Variants in MTA3 observed in about 807,000 individuals in gnomAD.
The protein encoded by MTA3 is metastasis associated 1 family member 3.
A neutral mutation model predicts 83.5 loss-of-function variants in MTA3; 34 were observed. That is an observed-to-expected ratio of 0.41 (90% CI 0.31 to 0.54). MTA3 has a LOEUF of 0.54. Among genes scored for constraint, MTA3 ranks in the 20% least tolerant of loss-of-function variants. MTA3 has a pLI of 0.33. For synonymous variants in MTA3, 303 were observed against 252.7 expected, an observed-to-expected ratio of 1.20 and a Z score of -1.89; for missense variants, 761 against 726.4, an observed-to-expected ratio of 1.05 and a Z score of -0.55.
intron 2 of MTA3, among the ~76,000 whole-genome samples, chr2:42,572,892 T>C (rs1678649729): frequency 6.6e-6 from 1 of 152,076 alleles, no homozygotes; most frequent in African/African-American, 2.4e-5. Flanking sequence ...CATGCCTGGC[T>C]GTTTTTTGTG....
chr2:42,723,067 C>G, intron 16 of MTA3, 32 bp downstream of exon 16: 1 of 1,547,502 alleles, frequency 6.5e-7, no homozygotes, highest in Non-Finnish European at 8.7e-7. Flanking sequence ...GGAGGCTGTT[C>G]TGATAGAGTG....
chr2:42,523,066 C>T (rs1675497614), intron 2 of MTA3, among the ~76,000 whole-genome samples: 1 of 152,068 alleles, frequency 6.6e-6, no homozygotes, highest in Admixed American at 6.6e-5. Flanking sequence ...CATCTCAGGC[C>T]TCCCAGAGTG....
At chr2:42,712,740 G>A (rs1301034125) in intron 14 of MTA3, 1 of 151,998 alleles carries the variant, frequency 6.6e-6, no homozygotes, top group African/African-American at 2.4e-5. Flanking sequence ...TTTGGACATC[G>A]TGCTCACTTC....
chr2:42,513,668 C>T (rs935203115), intron 2 of MTA3, among the ~76,000 whole-genome samples: 2 of 152,190 alleles, frequency 1.3e-5, no homozygotes, highest in African/African-American at 4.8e-5. Flanking sequence ...GAGAGACAAA[C>T]ACCAGGAGGG....
chr2:42,592,701 C>A (rs1371345746), intron 3 of MTA3, among the ~76,000 whole-genome samples: 1 of 152,196 alleles, frequency 6.6e-6, no homozygotes, highest in Non-Finnish European at 1.5e-5. Context: ...TCTCAGTCCA[C>A]ATCTTGTCCC....
intron 3 of MTA3, among the ~76,000 whole-genome samples, chr2:42,607,103 TAG>T (rs1223992741): frequency 2.0e-5 from 3 of 150,060 alleles, no homozygotes; most frequent in Non-Finnish European, 3.0e-5. Context: ...GGGGTAGAGG[TAG>T]AGGTAGAGGT....
chr2:42,504,242 A>AT (rs991162883), intron 2 of MTA3, among the ~76,000 whole-genome samples: 14 of 144,426 alleles, frequency 9.7e-5, no homozygotes, highest in African/African-American at 1.5e-4. Flanking sequence ...GAACCACATT[A>AT]TTTTTTTTTG....
intron 9 of MTA3, among the ~76,000 whole-genome samples, chr2:42,690,680 A>ATTTTT (rs11358037): frequency 8.5e-6 from 1 of 118,070 alleles, no homozygotes; most frequent in Non-Finnish European, 1.7e-5. Context: ...TTTTAATTTA[A>ATTTTT]TTTTTTTTTT....
intron 16 of MTA3, among the ~76,000 whole-genome samples, chr2:42,750,039 T>G (rs1258524973): frequency 6.6e-6 from 1 of 152,174 alleles, no homozygotes; most frequent in Non-Finnish European, 1.5e-5. Flanking sequence ...GTCGCCAGGC[T>G]GGAGTGCAGT....
intron 8 of MTA3, among the ~76,000 whole-genome samples, chr2:42,660,208 C>T (rs577689203): frequency 1.6e-3 from 243 of 152,224 alleles, no homozygotes; most frequent in African/African-American, 5.7e-3. Context: ...CGTGCCTCAG[C>T]CTCCTGAGTA....
upstream of MTA3, among the ~76,000 whole-genome samples, chr2:42,566,707 G>T (rs1041194070): frequency 6.6e-6 from 1 of 152,194 alleles, no homozygotes; most frequent in Admixed American, 6.5e-5. Flanking sequence ...GGCACACAAT[G>T]AATTAACAAA....
At chr2:42,570,148 G>C (rs1026716017) in intron 1 of MTA3, among the ~76,000 whole-genome samples, 1 of 152,160 alleles carries the variant, frequency 6.6e-6, no homozygotes, top group Non-Finnish European at 1.5e-5. Flanking sequence ...ACTACACAGT[G>C]ATAAGAGGTG....
chr2:42,663,966 G>A (rs1176676461), intron 8 of MTA3, among the ~76,000 whole-genome samples: 1 of 152,128 alleles, frequency 6.6e-6, no homozygotes, highest in Non-Finnish European at 1.5e-5. Context: ...AGTAGGCTCA[G>A]AGGCTCAGGA....
chr2:42,687,795 A>G (rs1692523474), intron 9 of MTA3, among the ~76,000 whole-genome samples: 1 of 152,048 alleles, frequency 6.6e-6, no homozygotes, highest in African/African-American at 2.4e-5. Context: ...ATGTGTTCTC[A>G]TTTATCTGCT....
rs777310805 is a variant in MTA3, at chr2:42,756,836, G to A, written c.*3437G>A. On this transcript the variant is annotated 3_prime_UTR_variant, in exon 17 of 17. Coordinates refer to ENST00000405094, the MANE Select transcript of MTA3 (RefSeq NM_001330442.2). The stretch of plus-strand genomic sequence containing the variant: ...CGCACCTGTGCTCATGAGTGTTTCC[G>A]CAGGATAATTCGTTCTGAGCATGAT... 8.1e-6 allele frequency: 8 copies of A among 985,402 alleles called. No individual in the cohort carries two copies. Among genetic ancestry groups the A allele is most frequent in the Non-Finnish European group, 9.6e-6 (8 of 829,956 alleles). 61.0% of individuals were successfully genotyped at this position (985,402 alleles called of 1,614,324 possible). A position where few individuals can be genotyped will look rare whatever the true frequency, so the allele number is the denominator to read the frequency against.
intron 4 of MTA3, among the ~76,000 whole-genome samples, chr2:42,637,613 A>G (rs1210276446): frequency 6.6e-6 from 1 of 151,994 alleles, no homozygotes; most frequent in East Asian, 1.9e-4. Context: ...TTCTGACTCA[A>G]CCTCTTAGCT....
chr2:42,576,370 G>A (rs905169947), intron 2 of MTA3, among the ~76,000 whole-genome samples: 1 of 152,226 alleles, frequency 6.6e-6, no homozygotes, highest in Non-Finnish European at 1.5e-5. Context: ...GGGAAGAGAG[G>A]ACGCAGGAGT....
intron 4 of MTA3, among the ~76,000 whole-genome samples, chr2:42,611,838 T>A (rs1043643462): frequency 1.3e-5 from 2 of 151,974 alleles, no homozygotes; most frequent in Non-Finnish European, 2.9e-5. Context: ...ATAGGTGAGA[T>A]AGATAAATAG....
chr2:42,699,868 T>G (rs1693711171), intron 11 of MTA3, among the ~76,000 whole-genome samples: 1 of 152,096 alleles, frequency 6.6e-6, no homozygotes, highest in Admixed American at 6.5e-5. Flanking sequence ...ATACAATAAT[T>G]ATATTTGAAG....
Sources: gnomAD v4.1 joint callset for allele counts (sites outside exome capture counted in the v4.1 genomes callset) on GRCh38, gnomAD v4.1.1 for gene constraint, MANE v1.5 for transcripts, NCBI Gene and HGNC (gene_info 2026-07-23, HGNC 2026-07-21) for gene names.